Variants in ARHGAP32 observed in about 807,000 individuals in gnomAD.
ARHGAP32 encodes rho GTPase-activating protein 32.
In ARHGAP32, 51 loss-of-function variants were observed where a neutral mutation model predicts 186.5. That is an observed-to-expected ratio of 0.27 (90% CI 0.22 to 0.35). ARHGAP32 has a LOEUF of 0.35. Among genes scored for constraint, ARHGAP32 ranks in the 10% least tolerant of loss-of-function variants. The probability of loss-of-function intolerance (pLI) is 1.00; values close to 1 mark genes in which losing one functional copy is unlikely to be tolerated. For missense variants in ARHGAP32, 2,186 were observed against 2,623.5 expected (o/e 0.83, Z 3.64); for synonymous variants, 950 against 964.3 (o/e 0.99, Z 0.27).
chr11:129,037,925 A>C (rs1487420296), intron 11 of ARHGAP32, among the ~76,000 whole-genome samples: 2 of 151,610 alleles, frequency 1.3e-5, no homozygotes, highest in Non-Finnish European at 2.9e-5. Flanking sequence ...ACATGATGAA[A>C]CCCCATCTCT....
intron 1 of ARHGAP32, among the ~76,000 whole-genome samples, chr11:129,188,816 T>A (rs1591684773): frequency 6.6e-6 from 1 of 152,320 alleles, no homozygotes; most frequent in Non-Finnish European, 1.5e-5. Context: ...GATCTGGGCA[T>A]CTACAGATCG....
intron 5 of ARHGAP32, among the ~76,000 whole-genome samples, chr11:129,121,686 G>A (rs1942535348): frequency 6.6e-6 from 1 of 151,984 alleles, no homozygotes; most frequent in Non-Finnish European, 1.5e-5. Context: ...TCCTTCTTCT[G>A]CCTGAGTAAT....
intron 5 of ARHGAP32, among the ~76,000 whole-genome samples, chr11:129,110,859 G>T (rs1211089395): frequency 1.3e-5 from 2 of 152,126 alleles, no homozygotes; most frequent in African/African-American, 2.4e-5. Flanking sequence ...CTTAATGTAA[G>T]ATCATATTTG....
intron 1 of ARHGAP32, among the ~76,000 whole-genome samples, chr11:129,254,312 G>T (rs1336939091): frequency 6.6e-6 from 1 of 152,030 alleles, no homozygotes; most frequent in African/African-American, 2.4e-5. Flanking sequence ...TTTAAAGAAT[G>T]TATCATATTT....
intron 1 of ARHGAP32, among the ~76,000 whole-genome samples, chr11:129,239,753 G>T (rs538996078): frequency 7.2e-5 from 11 of 152,068 alleles, no homozygotes; most frequent in Admixed American, 1.3e-4. Context: ...CTACTCTCAC[G>T]CTAATCCAAA....
At position 128,997,255 on chromosome 11, in the gene ARHGAP32, A is replaced by T. The variant is rs1469761160; in HGVS notation, c.1195+1064T>A. Among the ~76,000 whole-genome samples, 5 of 152,082 alleles carry T rather than the reference A, an allele frequency of 3.3e-5. No individual in the cohort carries two copies. In the East Asian group the frequency reaches 9.7e-4, roughly 29 times the overall value. On this transcript the variant is annotated intron_variant, in intron 12 of 22. Transcript: ENST00000682385. ...TGTTTTTGTTTTTTTAGGGATCTGC[A>T]TTAAGTTGGTATTAATTTGGGAATA...
chr11:129,005,877 T>G (rs1937740986), intron 11 of ARHGAP32, among the ~76,000 whole-genome samples: 1 of 152,164 alleles, frequency 6.6e-6, no homozygotes, highest in Non-Finnish European at 1.5e-5. Context: ...GCCAGTAACT[T>G]AGATATGCCC....
At chr11:129,181,733 G>A (rs1471887896) in intron 1 of ARHGAP32, among the ~76,000 whole-genome samples, 1 of 151,966 alleles carries the variant, frequency 6.6e-6, no homozygotes, top group East Asian at 1.9e-4. Context: ...ATTCAGTTTT[G>A]GTCACTTCCC....
chr11:129,147,482 G>C (rs1441959269), intron 2 of ARHGAP32, among the ~76,000 whole-genome samples: 1 of 152,128 alleles, frequency 6.6e-6, no homozygotes, highest in Non-Finnish European at 1.5e-5. Context: ...TTCTTTCCCT[G>C]GAATGCTGGC....
chr11:129,122,900 T>C (rs1005217844), intron 5 of ARHGAP32, among the ~76,000 whole-genome samples: 1 of 152,134 alleles, frequency 6.6e-6, no homozygotes, highest in African/African-American at 2.4e-5. Context: ...TCTAGCTATT[T>C]TTTAGGTTTT....
intron 5 of ARHGAP32, among the ~76,000 whole-genome samples, chr11:129,104,375 C>T (rs992842796): frequency 6.6e-6 from 1 of 151,854 alleles, no homozygotes; most frequent in African/African-American, 2.4e-5. Context: ...AGAGTGATCA[C>T]AGTTAAAATA....
At chr11:129,224,606 T>C (rs1383240455) in intron 1 of ARHGAP32, among the ~76,000 whole-genome samples, 1 of 151,858 alleles carries the variant, frequency 6.6e-6, no homozygotes, top group African/African-American at 2.4e-5. Context: ...CAGCAACACA[T>C]AATACCACTG....
At chr11:129,176,762 G>C (rs1288477413) in intron 1 of ARHGAP32, among the ~76,000 whole-genome samples, 1 of 150,562 alleles carries the variant, frequency 6.6e-6, no homozygotes, top group East Asian at 2.0e-4. Context: ...CAACATACCA[G>C]AATCTCTGGG....
intron 1 of ARHGAP32, among the ~76,000 whole-genome samples, chr11:129,262,728 C>T (rs866063914): frequency 2.6e-5 from 4 of 152,036 alleles, no homozygotes; most frequent in African/African-American, 9.6e-5. Flanking sequence ...ATTTCAAAGT[C>T]GTTTTATAAG....
intron 1 of ARHGAP32, among the ~76,000 whole-genome samples, chr11:129,253,308 T>C (rs1002634228): frequency 2.6e-5 from 4 of 152,156 alleles, no homozygotes; most frequent in African/African-American, 9.7e-5. Context: ...TCATAATGTA[T>C]GGCTAGGTAG....
intron 6 of ARHGAP32, among the ~76,000 whole-genome samples, chr11:129,090,508 A>T (rs921943481): frequency 6.6e-6 from 1 of 152,200 alleles, no homozygotes; most frequent in East Asian, 1.9e-4. Context: ...CATTAATATC[A>T]ACTACTATAA....
rs549064766 is a variant in ARHGAP32 at position 128,998,598 on chromosome 11, G to A, written c.1046-130C>T. On this transcript the variant is annotated intron_variant, in intron 11 of 22. Transcript: ENST00000682385. ...TATGAATATACTTTATAATCTTTAGGAAAATGTCAGTACAAGTTTAAGCTA... is the reference window on the plus strand; with the variant it reads ...TATGAATATACTTTATAATCTTTAGAAAAATGTCAGTACAAGTTTAAGCTA... 839 of 571,340 alleles carry A rather than the reference G, an allele frequency of 1.5e-3. 16 individuals carry two copies. In the South Asian group the frequency reaches 0.043, roughly 29 times the overall value. The allele number at this position is 571,340 out of a possible 1,614,324, so 35.4% of individuals were successfully genotyped here.
chr11:129,276,193 A>G (rs539907350), intron 1 of ARHGAP32, among the ~76,000 whole-genome samples: 4 of 152,386 alleles, frequency 2.6e-5, no homozygotes, highest in Non-Finnish European at 5.9e-5. Flanking sequence ...AAAATTCCAG[A>G]GAGTTCAAAA....
At chr11:129,121,604 A>G (rs374191783) in intron 5 of ARHGAP32, among the ~76,000 whole-genome samples, 1 of 152,024 alleles carries the variant, frequency 6.6e-6, no homozygotes, top group Non-Finnish European at 1.5e-5. Context: ...CAATCAATAC[A>G]ATCCTGAAAC....
Sources: allele counts gnomAD v4.1 joint callset (sites outside exome capture counted in the v4.1 genomes callset), GRCh38; gene constraint gnomAD v4.1.1; transcripts MANE v1.5; gene names NCBI Gene and HGNC (gene_info 2026-07-23, HGNC 2026-07-21).